ERBIN: variants seen among roughly 807,000 people sequenced by gnomAD.
The protein encoded by ERBIN is densin-180-like protein.
A neutral mutation model predicts 158.4 loss-of-function variants in ERBIN; 60 were observed. The observed-to-expected ratio is 0.38, with a 90% CI of 0.31 to 0.47. The LOEUF (loss-of-function observed/expected upper bound fraction) is 0.47. Ranked by LOEUF, ERBIN falls within the 20% of genes least tolerant of loss-of-function variation. The pLI, the probability that ERBIN is intolerant of heterozygous loss-of-function variation, is 0.99. For missense variants in ERBIN, 1,610 were observed against 1,648.0 expected (o/e 0.98, Z 0.40); for synonymous variants, 594 against 557.2 (o/e 1.07, Z -0.93).
intron 14 of ERBIN, among the ~76,000 whole-genome samples, chr5:66,030,561 C>T (rs1437046361): frequency 6.9e-6 from 1 of 145,628 alleles, no homozygotes; most frequent in African/African-American, 2.6e-5. Flanking sequence ...TACAGTAGCA[C>T]CTTTTTTTTT....
chr5:66,075,093 C>G lies in ERBIN; in HGVS notation c.3826C>G (p.Pro1276Ala), dbSNP rs753068744. 2 of 1,614,112 alleles carry G rather than the reference C, an allele frequency of 1.2e-6. No individual in the cohort carries two copies. The highest frequency in any genetic ancestry group is 1.7e-6 in the Non-Finnish European group (2 of 1,180,016). The change falls in exon 23 of 26, where the codon CCC (proline) becomes GCC (alanine). Residue 1276 changes from proline to alanine, a missense_variant. By Grantham distance (27) the Pro-to-Ala change is conservative. Coordinates refer to ENST00000284037, the MANE Select transcript of ERBIN (RefSeq NM_001253697.2). ...GGCAAATTATAGTCAAATACATCAC[C>G]CCCCTCAGGCATCTGTGGCAAGGCA... is the stretch of plus-strand genomic sequence containing the variant. ...PQANYSQIHHPPQASVARHPS... is the reference protein window; with the variant it reads ...PQANYSQIHHAPQASVARHPS...
intron 21 of ERBIN, among the ~76,000 whole-genome samples, chr5:66,057,134 G>C (rs747375586): frequency 6.6e-6 from 1 of 152,072 alleles, no homozygotes; most frequent in Non-Finnish European, 1.5e-5. Flanking sequence ...TTTTTAAAAA[G>C]CATTTAGAGA....
At position 66,025,432 on chromosome 5, in the gene ERBIN, G is replaced by C. The variant is rs758978831; in HGVS notation, c.818-48G>C. The C allele has an allele frequency of 1.9e-5, 27 of 1,391,010 alleles. No homozygotes were observed. In the East Asian group the frequency reaches 5.9e-4, roughly 31 times the overall value. 86.2% of individuals were successfully genotyped at this position (1,391,010 alleles called of 1,614,324 possible). A position where few individuals can be genotyped will look rare whatever the true frequency, so the allele number is the denominator to read the frequency against. On this transcript the variant is annotated intron_variant, in intron 10 of 25. Coordinates refer to ENST00000284037, the MANE Select transcript of ERBIN (RefSeq NM_001253697.2). ...TCTCACACTGACTGTTGGTGGACTT[G>C]CTTCTATTTTAAGCTGAAAAATTGT...
chr5:65,952,135 A>G (rs1746574498), intron 1 of ERBIN, among the ~76,000 whole-genome samples: 1 of 152,202 alleles, frequency 6.6e-6, no homozygotes, highest in Admixed American at 6.5e-5. Flanking sequence ...AAAAGTCAGA[A>G]AACACAGGAT....
At chr5:66,007,431 CCTAT>C (rs879585743) in intron 4 of ERBIN, among the ~76,000 whole-genome samples, 38 of 5,168 alleles carry the variant, frequency 7.4e-3, no homozygotes, top group Non-Finnish European at 0.024. Flanking sequence ...AGGAGATATA[CCTAT>C]ACCTAATGTT....
At chr5:66,059,967 A>T (rs921758572) in intron 21 of ERBIN, among the ~76,000 whole-genome samples, 1 of 152,160 alleles carries the variant, frequency 6.6e-6, no homozygotes, top group African/African-American at 2.4e-5. Context: ...TTTTTGCATC[A>T]ATGTTCATCA....
chr5:66,024,583 T>C, intron 10 of ERBIN, 133 bp downstream of exon 10: 1 of 851,508 alleles, frequency 1.2e-6, no homozygotes, highest in Non-Finnish European at 1.8e-6. Flanking sequence ...GAATTTTTCC[T>C]GGTGTGATCA....
At chr5:66,016,523 AATAC>A (rs1754739304) in intron 7 of ERBIN, among the ~76,000 whole-genome samples, 1 of 152,066 alleles carries the variant, frequency 6.6e-6, no homozygotes, top group Non-Finnish European at 1.5e-5. Flanking sequence ...AGTGGTAATA[AATAC>A]ATTTATATTC....
In ERBIN at chr5:66,038,450, A is replaced by G. The variant is rs1399659967; in HGVS notation, c.1274A>G (p.Tyr425Cys). The change falls in exon 15 of 26, where the codon TAC (tyrosine) becomes TGC (cysteine). Residue 425 changes from tyrosine to cysteine, a missense_variant. Around this residue, in one of 2 missense-constraint regions of ERBIN, gnomAD observed 596 missense variants for 711.9 expected, o/e 0.84. Coordinates refer to ENST00000284037, the MANE Select transcript of ERBIN (RefSeq NM_001253697.2). ...SETQKMVLTN[Y>C]MFPQQPRTED... ...ACCCAGAAAATGGTGCTTACCAACT[A>G]CATGTTCCCTCAACAGCCAAGGACT... 6.2e-7 allele frequency: 1 copy of G among 1,611,810 alleles called. No homozygotes were observed. The highest frequency in any genetic ancestry group is 8.5e-7 in the Non-Finnish European group (1 of 1,178,594).
At chr5:66,067,880 G>A (rs1170748588) in intron 21 of ERBIN, among the ~76,000 whole-genome samples, 1 of 152,170 alleles carries the variant, frequency 6.6e-6, no homozygotes, top group South Asian at 2.1e-4. Flanking sequence ...GGAGCCTGAG[G>A]CAGGAGGATG....
chr5:65,986,755 C>A (rs1489516657), intron 1 of ERBIN, among the ~76,000 whole-genome samples: 6 of 151,812 alleles, frequency 4.0e-5, no homozygotes, highest in Non-Finnish European at 7.4e-5. Flanking sequence ...ACCAAGAAAT[C>A]CAGAAATAGA....
At chr5:65,965,653 G>A (rs773189045) in intron 1 of ERBIN, among the ~76,000 whole-genome samples, 1 of 151,958 alleles carries the variant, frequency 6.6e-6, no homozygotes, top group Admixed American at 6.6e-5. Context: ...TCGGCCTCCC[G>A]AAGTGCTGGG....
At chr5:65,986,501 G>A (rs571571531) in intron 1 of ERBIN, among the ~76,000 whole-genome samples, 21 of 152,290 alleles carry the variant, frequency 1.4e-4, no homozygotes, top group African/African-American at 4.1e-4. Flanking sequence ...CGTTAAACAC[G>A]TTAGTCCTAT....
chr5:66,014,694 C>G lies in ERBIN; in HGVS notation c.502C>G (p.Leu168Val), dbSNP rs777384221. ...ATTAACTAAACTCCAAATATTAGAG[C>G]TTAGAGAAAACCAGTTAAAAATGTT... Reference protein sequence around the residue: ...GRLTKLQILELRENQLKMLPK... With the variant: ...GRLTKLQILEVRENQLKMLPK... Residue 168 changes from leucine to valine, a missense_variant, in exon 7 of 26, where the codon CTT (leucine) becomes GTT (valine). By Grantham distance (32) the Leu-to-Val change is conservative (BLOSUM62 1). Transcript: ENST00000284037. 4.2e-6 allele frequency: 6 copies of G among 1,443,778 alleles called. No individual in the cohort carries two copies. The highest frequency in any genetic ancestry group is 2.7e-5 in the South Asian group (2 of 74,172). 89.4% of individuals were successfully genotyped at this position (1,443,778 alleles called of 1,614,324 possible).
At chr5:65,955,032 C>G (rs909733312) in intron 1 of ERBIN, among the ~76,000 whole-genome samples, 1 of 152,042 alleles carries the variant, frequency 6.6e-6, no homozygotes, top group Non-Finnish European at 1.5e-5. Flanking sequence ...CCCACTTGCA[C>G]TCCAGCCTGG....
chr5:65,941,313 T>TAAAAAA (rs1217469941), intron 1 of ERBIN, among the ~76,000 whole-genome samples: 2 of 60,082 alleles, frequency 3.3e-5, no homozygotes, highest in African/African-American at 8.5e-5. Flanking sequence ...GAATGATCAA[T>TAAAAAA]AAAAAAAAAA....
chr5:65,980,960 A>G (rs1008955141), intron 1 of ERBIN, among the ~76,000 whole-genome samples: 3 of 152,244 alleles, frequency 2.0e-5, no homozygotes, highest in Admixed American at 1.3e-4. Context: ...TCTAATTGAC[A>G]TTTGTAGAAC....
chr5:65,999,660 C>T (rs936849786), intron 4 of ERBIN, among the ~76,000 whole-genome samples: 1 of 152,196 alleles, frequency 6.6e-6, no homozygotes, highest in Non-Finnish European at 1.5e-5. Context: ...ACAGTTTGCT[C>T]ATGATTTTCA....
At chr5:65,948,115 G>A (rs1175322066) in intron 1 of ERBIN, among the ~76,000 whole-genome samples, 6 of 151,858 alleles carry the variant, frequency 4.0e-5, no homozygotes, top group African/African-American at 9.7e-5. Flanking sequence ...TTTACAGCAC[G>A]TATTCTATAG....
Sources: allele counts gnomAD v4.1 joint callset (sites outside exome capture counted in the v4.1 genomes callset), GRCh38; gene constraint gnomAD v4.1.1; regional missense constraint gnomAD v4.1.1; transcripts MANE v1.5; gene names NCBI Gene and HGNC (gene_info 2026-07-23, HGNC 2026-07-21).